The following CFAP251 variants were observed in gnomAD, a reference collection of about 807,000 sequenced individuals.
The protein encoded by CFAP251 is cilia and flagella associated protein 251.
CFAP251 carries 93 observed loss-of-function variants against 126.7 expected under a neutral mutation model. That is an observed-to-expected ratio of 0.73 (90% CI 0.62 to 0.87). The LOEUF (loss-of-function observed/expected upper bound fraction) is 0.87. Ranked by LOEUF, CFAP251 falls within the 40% of genes least tolerant of loss-of-function variation. CFAP251 has a pLI of 0.00. For synonymous variants in CFAP251, 503 were observed against 506.9 expected (o/e 0.99, Z 0.10); for missense variants, 1,287 against 1,389.2 (o/e 0.93, Z 1.17).
At chr12:121,962,350 G>A (rs1367109910) in intron 15 of CFAP251, among the ~76,000 whole-genome samples, 188 bp downstream of exon 15, 1 of 152,164 alleles carries the variant, frequency 6.6e-6, no homozygotes, top group Non-Finnish European at 1.5e-5. Flanking sequence ...GGCCCTGTGT[G>A]GAGGTGAGAT....
At chr12:121,977,135 G>A (rs1882480559) in intron 19 of CFAP251, among the ~76,000 whole-genome samples, 2 of 152,158 alleles carry the variant, frequency 1.3e-5, no homozygotes, top group African/African-American at 2.4e-5. Flanking sequence ...CGCCTGGGCC[G>A]TATGGTAGAG....
intron 1 of CFAP251, among the ~76,000 whole-genome samples, chr12:121,920,547 C>G (rs1880125916): frequency 6.6e-6 from 1 of 152,058 alleles, no homozygotes; most frequent in African/African-American, 2.4e-5. Flanking sequence ...CAGGCGCCCA[C>G]CGCCAAGCCC....
chr12:121,958,111 A>G (rs1881792272), intron 11 of CFAP251, among the ~76,000 whole-genome samples, 161 bp from the exon 12 acceptor site: 1 of 152,166 alleles, frequency 6.6e-6, no homozygotes, highest in Admixed American at 6.5e-5. Flanking sequence ...TTGCAAATGG[A>G]GGCTGTTGGG....
At chr12:121,968,266 G>C (rs983954429) in intron 17 of CFAP251, 97 bp downstream of exon 17, 2 of 1,266,974 alleles carry the variant, frequency 1.6e-6, no homozygotes, top group Admixed American at 5.3e-5. Flanking sequence ...CAGGCACTGT[G>C]CTAGGATGTC....
intron 3 of CFAP251, among the ~76,000 whole-genome samples, chr12:121,925,569 C>T (rs1880376526): frequency 6.6e-6 from 1 of 152,200 alleles, no homozygotes; most frequent in Non-Finnish European, 1.5e-5. Flanking sequence ...GTGTGACAGC[C>T]TCTCTCCCAC....
chr12:121,927,433 G>C lies in CFAP251; in HGVS notation c.747+3443G>C, dbSNP rs551745740. Among the ~76,000 whole-genome samples, 11 of 152,104 alleles carry C rather than the reference G, an allele frequency of 7.2e-5. No individual in the cohort carries two copies. In the South Asian group the frequency reaches 2.3e-3, roughly 32 times the overall value. Reference sequence around the variant, plus strand: ...CTGCCTCAGCCTCTCATGTAGCTGGGATTATAGGCACGCACCACCATACCC... The same window carrying C: ...CTGCCTCAGCCTCTCATGTAGCTGGCATTATAGGCACGCACCACCATACCC... On this transcript the variant is annotated intron_variant, in intron 3 of 21. Transcript: ENST00000288912.
Position 121,968,004 on chromosome 12 carries a change from A to G in CFAP251, c.2608-2A>G. 1 of 1,594,824 alleles carries G rather than the reference A, an allele frequency of 6.3e-7. No individual in the cohort carries two copies. Among genetic ancestry groups the G allele is most frequent in the Non-Finnish European group, 8.6e-7 (1 of 1,164,750 alleles). On this transcript the variant is annotated splice_acceptor_variant, in intron 16 of 21. Transcript: ENST00000288912. LOFTEE classifies it high-confidence loss of function. ...AATATCCAATTATGTGTTCCTTTCT[A>G]GGTGGGACTTCAGATCTTACCAGTT... is the stretch of plus-strand genomic sequence containing the variant.
intron 7 of CFAP251, among the ~76,000 whole-genome samples, chr12:121,946,226 A>G (rs917445098): frequency 2.2e-4 from 34 of 152,224 alleles, no homozygotes; most frequent in Non-Finnish European, 3.1e-4. Flanking sequence ...TGCACGTATC[A>G]GTAGTGTATT....
intron 9 of CFAP251, chr12:121,953,893 A>G (rs1881619295): frequency 5.8e-6 from 3 of 518,826 alleles, no homozygotes; most frequent in African/African-American, 1.9e-5. Context: ...TAAACAAACA[A>G]TGTAATTGAA....
Position 121,949,025 on chromosome 12 carries a change from G to A in CFAP251, c.1233G>A (p.Val411=), listed in dbSNP as rs779637865. ...ACCCAACAAATAATAAAGAATTGGT[G>A]AGCAATAGTAAAACACGGGCAATAT... is the stretch of plus-strand genomic sequence containing the variant. ...TFNPTNNKEL[V]SNSKTRAIYY... The change falls in exon 8 of 22, where the codon GTG becomes GTA. Residue 411 remains valine (V), a synonymous_variant. Coordinates refer to ENST00000288912, the MANE Select transcript of CFAP251 (RefSeq NM_144668.6). 6.3e-7 allele frequency: 1 copy of A among 1,588,778 alleles called. No individual in the cohort carries two copies. Among genetic ancestry groups the A allele is most frequent in the Non-Finnish European group, 8.6e-7 (1 of 1,167,776 alleles).
chr12:122,001,281 C>A (rs915248998), intron 20 of CFAP251, among the ~76,000 whole-genome samples: 8 of 151,948 alleles, frequency 5.3e-5, no homozygotes, highest in African/African-American at 1.9e-4. Flanking sequence ...GTCTCGAACT[C>A]CTGACCTCAA....
chr12:121,984,833 C>A (rs1341906729), intron 19 of CFAP251, among the ~76,000 whole-genome samples: 1 of 152,162 alleles, frequency 6.6e-6, no homozygotes, highest in Non-Finnish European at 1.5e-5. Flanking sequence ...TTTTAGCTTG[C>A]AGAGTGTTGT....
At chr12:121,990,675 G>A (rs1882857027) in intron 19 of CFAP251, among the ~76,000 whole-genome samples, 1 of 152,188 alleles carries the variant, frequency 6.6e-6, no homozygotes. Flanking sequence ...ATCTTCTAGA[G>A]CCACGGTAGC....
chr12:121,975,163 C>G lies in CFAP251; in HGVS notation c.2772-81C>G, dbSNP rs992109827. 4.5e-6 allele frequency: 5 copies of G among 1,110,750 alleles called. No individual in the cohort carries two copies. In the East Asian group the frequency reaches 1.2e-4, roughly 26 times the overall value. The allele number at this position is 1,110,750 out of a possible 1,614,324, so 68.8% of individuals were successfully genotyped here. On this transcript the variant is annotated intron_variant, in intron 17 of 21. Transcript: ENST00000288912. ...TGTGCTGTGATACCCTTCAGAGGGCCGCAGTGCTGTGCGGACCACCTTCTG... is the reference window on the plus strand; with the variant it reads ...TGTGCTGTGATACCCTTCAGAGGGCGGCAGTGCTGTGCGGACCACCTTCTG...
intron 7 of CFAP251, 86 bp from the exon 8 acceptor site, chr12:121,948,898 A>T: frequency 1.3e-6 from 1 of 777,086 alleles, no homozygotes; most frequent in Non-Finnish European, 2.0e-6. Context: ...ATTTGTTTTA[A>T]TTAAAATTAT....
chr12:121,994,159 G>A (rs1882966825), intron 19 of CFAP251, among the ~76,000 whole-genome samples: 2 of 94,190 alleles, frequency 2.1e-5, no homozygotes, highest in Non-Finnish European at 4.5e-5. Flanking sequence ...AGGTGGGGGG[G>A]GTCAGCCCCC....
intron 13 of CFAP251, among the ~76,000 whole-genome samples, chr12:121,960,274 A>G (rs1274985642): frequency 2.6e-5 from 4 of 152,122 alleles, no homozygotes; most frequent in Non-Finnish European, 5.9e-5. Context: ...TACAGGCTGA[A>G]GTGCAACAGA....
intron 7 of CFAP251, among the ~76,000 whole-genome samples, chr12:121,943,664 A>C (rs1881214609): frequency 6.6e-6 from 1 of 151,946 alleles, no homozygotes; most frequent in African/African-American, 2.4e-5. Context: ...ACCTCAGGTG[A>C]TCTCCCCACC....
At chr12:121,983,857 G>A (rs191946684) in intron 19 of CFAP251, among the ~76,000 whole-genome samples, 67 of 152,288 alleles carry the variant, frequency 4.4e-4, no homozygotes, top group African/African-American at 1.6e-3. Flanking sequence ...GCTACACCGG[G>A]AGAAGTTTCT....
Sources: allele counts gnomAD v4.1 joint callset (sites outside exome capture counted in the v4.1 genomes callset), GRCh38; gene constraint gnomAD v4.1.1; transcripts MANE v1.5; gene names NCBI Gene and HGNC (gene_info 2026-07-23, HGNC 2026-07-21).